Variants in CELSR1 observed in about 807,000 individuals in gnomAD.
CELSR1 encodes cadherin EGF LAG seven-pass G-type receptor 1.
CELSR1 carries 110 observed loss-of-function variants against 249.1 expected under a neutral mutation model. The observed-to-expected ratio is 0.44, with a 90% confidence interval of 0.38 to 0.52. The LOEUF is 0.52. Ranked by LOEUF, CELSR1 falls within the 20% of genes least tolerant of loss-of-function variation. The pLI is 0.00. For missense variants in CELSR1, 4,109 were observed against 4,296.4 expected, an observed-to-expected ratio of 0.96 and a Z score of 1.22; for synonymous variants, 2,113 against 1,900.0, an observed-to-expected ratio of 1.11 and a Z score of -2.92.
At chr22:46,520,354 C>T (rs547428400) in intron 1 of CELSR1, among the ~76,000 whole-genome samples, 18 of 152,316 alleles carry the variant, frequency 1.2e-4, no homozygotes, top group African/African-American at 4.1e-4. Flanking sequence ...CAGACACAGG[C>T]ACCTGCTCCC....
At chr22:46,520,666 T>C (rs1569215969) in intron 1 of CELSR1, among the ~76,000 whole-genome samples, 1 of 152,110 alleles carries the variant, frequency 6.6e-6, no homozygotes, top group Non-Finnish European at 1.5e-5. Flanking sequence ...TTCACCATGT[T>C]GGCCAGGCTG....
In CELSR1 at chr22:46,534,342, G is replaced by A. The variant is rs35087594; in HGVS notation, c.2829C>T (p.Ile943=). The A allele has an allele frequency of 3.6e-3, 5,753 of 1,612,990 alleles. 13 individuals carry two copies. The highest frequency in any genetic ancestry group is 4.6e-3 in the Non-Finnish European group (5,469 of 1,180,040). ...TGCGAATCACACCGGACGTGGGCTCGATGTAGAAGTCCCCATCGCCGTCGT... is the reference window on the plus strand; with the variant it reads ...TGCGAATCACACCGGACGTGGGCTCAATGTAGAAGTCCCCATCGCCGTCGT... ...GGDDGDGDFY[I]EPTSGVIRTQ... The change falls in exon 1 of 35, where the codon ATC becomes ATT. Residue 943 remains isoleucine (I), a synonymous_variant. Coordinates refer to ENST00000674500, the MANE Select transcript of CELSR1 (RefSeq NM_001378328.1). The surrounding 1 kb of genome is among the most constrained non-coding windows in gnomAD (Gnocchi z 9.7).
chr22:46,491,816 T>C (rs1305122012), intron 1 of CELSR1, among the ~76,000 whole-genome samples: 2 of 152,044 alleles, frequency 1.3e-5, no homozygotes, highest in East Asian at 3.9e-4. Flanking sequence ...TTTGTATTTT[T>C]AGTAGAGACG....
intron 1 of CELSR1, among the ~76,000 whole-genome samples, chr22:46,524,342 C>A (rs1054067287): frequency 6.6e-6 from 1 of 152,236 alleles, no homozygotes; most frequent in Non-Finnish European, 1.5e-5. Context: ...CTACATGATT[C>A]CCCTCTTACA....
At position 46,427,132 on chromosome 22, in the gene CELSR1, C is replaced by G. The variant is rs898152655; in HGVS notation, c.4611+6261G>C. Among the ~76,000 whole-genome samples the G allele has an allele frequency of 1.3e-5, 2 of 152,176 alleles. No individual in the cohort carries two copies. Among genetic ancestry groups the G allele is most frequent in the African/African-American group, 4.8e-5 (2 of 41,444 alleles). On this transcript the variant is annotated intron_variant, in intron 5 of 34. Transcript: ENST00000674500. This position sits in a 1 kb window ranked among gnomAD's most constrained non-coding sequence, Gnocchi z 4.2. Reference sequence around the variant, plus strand: ...GTACACACACACACACCTACACAGACGTCTATGTCCTAGCTCTGCCCAGTA... The same window carrying G: ...GTACACACACACACACCTACACAGAGGTCTATGTCCTAGCTCTGCCCAGTA...
rs1430470208 is a variant in CELSR1 at position 46,429,751 on chromosome 22, C to A, written c.4611+3642G>T. On this transcript the variant is annotated intron_variant, in intron 5 of 34. Coordinates refer to ENST00000674500, the MANE Select transcript of CELSR1 (RefSeq NM_001378328.1). The surrounding 1 kb of genome is among the most constrained non-coding windows in gnomAD (Gnocchi z 4.1). ...TCAGGAGGGTCCCTGGTTAGCTGTG[C>A]CCCTCCTGGGTGGTCCGCAGCCCTC... Among the ~76,000 whole-genome samples, 1 of 152,186 alleles carries A rather than the reference C, an allele frequency of 6.6e-6. No homozygotes were observed. The highest frequency in any genetic ancestry group is 1.5e-5 in the Non-Finnish European group (1 of 68,028).
chr22:46,422,100 G>C (rs949591479), intron 5 of CELSR1, among the ~76,000 whole-genome samples: 2 of 123,514 alleles, frequency 1.6e-5, no homozygotes, highest in African/African-American at 9.8e-5. Flanking sequence ...TTATCTTTTT[G>C]TTTATTTTTT....
At chr22:46,376,412 T>C (rs185527556) in intron 24 of CELSR1, among the ~76,000 whole-genome samples, 16 of 152,320 alleles carry the variant, frequency 1.1e-4, no homozygotes, top group African/African-American at 3.6e-4. Flanking sequence ...TCTCGCTCTA[T>C]TGCCCAGGCT....
intron 2 of CELSR1, among the ~76,000 whole-genome samples, chr22:46,456,523 C>T (rs1030079775): frequency 7.2e-5 from 11 of 151,934 alleles, no homozygotes; most frequent in East Asian, 3.9e-4. Flanking sequence ...GTTAGCCAGG[C>T]GTGGTGGTGG....
intron 1 of CELSR1, among the ~76,000 whole-genome samples, chr22:46,511,867 C>T (rs555124683): frequency 7.3e-4 from 111 of 152,262 alleles, no homozygotes; most frequent in African/African-American, 2.5e-3. Context: ...AAACATCCCT[C>T]GGTCATTAGA....
chr22:46,516,769 G>C (rs937522280), intron 1 of CELSR1, among the ~76,000 whole-genome samples: 2 of 152,156 alleles, frequency 1.3e-5, no homozygotes, highest in African/African-American at 4.8e-5. Context: ...TTCTCACCCA[G>C]GCACACGACT....
chr22:46,388,434 ACT>A (rs1243827668), intron 18 of CELSR1, among the ~76,000 whole-genome samples: 1 of 152,126 alleles, frequency 6.6e-6, no homozygotes, highest in African/African-American at 2.4e-5. Context: ...CACTGGCCCA[ACT>A]CTCAGGCTGG....
At position 46,423,163 on chromosome 22, in the gene CELSR1, G is replaced by T. The variant is rs1404646583; in HGVS notation, c.4611+10230C>A. On this transcript the variant is annotated intron_variant, in intron 5 of 34. Transcript: ENST00000674500. This position sits in a 1 kb window ranked among gnomAD's most constrained non-coding sequence, Gnocchi z 5.6. ...CCCCTGCCACCAAGTGAACGGCCAG[G>T]GTGGCCTGCTGGAAGATGAGAGGCC... is the stretch of plus-strand genomic sequence containing the variant. Among the ~76,000 whole-genome samples, 1 of 152,212 alleles carries T rather than the reference G, an allele frequency of 6.6e-6. No individual in the cohort carries two copies. The highest frequency in any genetic ancestry group is 1.5e-5 in the Non-Finnish European group (1 of 68,042).
At position 46,417,484 on chromosome 22, in the gene CELSR1, G is replaced by A. The variant is rs1205165671; in HGVS notation, c.4612-5725C>T. Reference sequence around the variant, plus strand: ...ACCCTCTACACAGGGGCTGCCGGCTGCTTTTGATGACCTGGCTCGAAGGGT... The same window carrying A: ...ACCCTCTACACAGGGGCTGCCGGCTACTTTTGATGACCTGGCTCGAAGGGT... On this transcript the variant is annotated intron_variant, in intron 5 of 34. Coordinates refer to ENST00000674500, the MANE Select transcript of CELSR1 (RefSeq NM_001378328.1). The surrounding 1 kb of genome is among the most constrained non-coding windows in gnomAD (Gnocchi z 4.1). Among the ~76,000 whole-genome samples, 1 of 152,216 alleles carries A rather than the reference G, an allele frequency of 6.6e-6. No homozygotes were observed. The highest frequency in any genetic ancestry group is 1.5e-5 in the Non-Finnish European group (1 of 68,048).
At chr22:46,422,245 A>G (rs1471551396) in intron 5 of CELSR1, among the ~76,000 whole-genome samples, 1 of 151,854 alleles carries the variant, frequency 6.6e-6, no homozygotes, top group Non-Finnish European at 1.5e-5. Flanking sequence ...AGCTGAGATT[A>G]TGGGCACCTG....
rs966130301 is a variant in CELSR1, at chr22:46,473,020, C to T, written c.3545-8675G>A. Reference sequence around the variant, plus strand: ...CAGGTGGATGTGAATTTTGGGGGGACGTTAGTCAACCCCGGGAATGCAGAG... The same window carrying T: ...CAGGTGGATGTGAATTTTGGGGGGATGTTAGTCAACCCCGGGAATGCAGAG... On this transcript the variant is annotated intron_variant, in intron 1 of 34. Coordinates refer to ENST00000674500, the MANE Select transcript of CELSR1 (RefSeq NM_001378328.1). This position sits in a 1 kb window ranked among gnomAD's most constrained non-coding sequence, Gnocchi z 6.6. 5.9e-5 allele frequency among the ~76,000 whole-genome samples: 9 copies of T among 152,248 alleles called. No homozygotes were observed. The highest frequency in any genetic ancestry group is 1.2e-4 in the Non-Finnish European group (8 of 68,028).
intron 5 of CELSR1, among the ~76,000 whole-genome samples, chr22:46,424,742 A>T (rs2079518476): frequency 6.6e-6 from 1 of 152,190 alleles, no homozygotes; most frequent in African/African-American, 2.4e-5. Flanking sequence ...GAAGCACGAG[A>T]TGGGTGGATT....
Position 46,448,557 on chromosome 22 carries a change from C to T in CELSR1, c.4184-9146G>A. On this transcript the variant is annotated intron_variant, in intron 2 of 34. Coordinates refer to ENST00000674500, the MANE Select transcript of CELSR1 (RefSeq NM_001378328.1). The surrounding 1 kb of genome is among the most constrained non-coding windows in gnomAD (Gnocchi z 5.7). The stretch of plus-strand genomic sequence containing the variant: ...AATAAAAAGACAATTCCTTTCTGGT[C>T]CTAAGAAACAGCTAAGAGCTTTGAA... 1 of 441,004 alleles carries T rather than the reference C, an allele frequency of 2.3e-6. No individual in the cohort carries two copies. Among genetic ancestry groups the T allele is most frequent in the East Asian group, 7.1e-5 (1 of 14,026 alleles). The allele number at this position is 441,004 out of a possible 1,614,324, so 27.3% of individuals were successfully genotyped here. A position where few individuals can be genotyped will look rare whatever the true frequency, so the allele number is the denominator to read the frequency against.
chr22:46,504,515 AAAAAAC>A lies in CELSR1; in HGVS notation c.3544+29106_3544+29111del, dbSNP rs1569206860. On this transcript the variant is annotated intron_variant, in intron 1 of 34. Coordinates refer to ENST00000674500, the MANE Select transcript of CELSR1 (RefSeq NM_001378328.1). ...GCGACATCTGTCTCCAAAAAAAAAA[AAAAAAC>A]AAAAAAAAACAGGAATGGCTGCTAA... Among the ~76,000 whole-genome samples the A allele has an allele frequency of 2.2e-5, 2 of 90,814 alleles. 1 individual carries two copies. The highest frequency in any genetic ancestry group is 5.3e-5 in the Non-Finnish European group (2 of 37,678). 59.6% of individuals were successfully genotyped at this position (90,814 alleles called of 152,430 possible). A position where few individuals can be genotyped will look rare whatever the true frequency, so the allele number is the denominator to read the frequency against.
Sources: gnomAD v4.1 joint callset for allele counts (sites outside exome capture counted in the v4.1 genomes callset) on GRCh38, gnomAD v4.1.1 for gene constraint, Gnocchi (gnomAD v3.1) non-coding constraint, MANE v1.5 for transcripts, NCBI Gene and HGNC (gene_info 2026-07-23, HGNC 2026-07-21) for gene names.